The following IKZF1 variants were observed in gnomAD, a reference collection of about 807,000 sequenced individuals.
The protein encoded by IKZF1 is IKAROS family zinc finger 1.
In IKZF1, 10 loss-of-function variants were observed where a neutral mutation model predicts 51.7. The ratio of observed to expected loss-of-function variants is 0.19; its 90% CI spans 0.12 to 0.33. IKZF1 has a LOEUF of 0.33. Among genes scored for constraint, IKZF1 ranks in the 10% least tolerant of loss-of-function variants. The pLI, the probability that IKZF1 is intolerant of heterozygous loss-of-function variation, is 1.00. For missense variants in IKZF1, 484 were observed against 707.5 expected (o/e 0.68, Z 3.58); for synonymous variants, 280 against 282.3 (o/e 0.99, Z 0.08).
chr7:50,398,157 C>T lies in IKZF1; in HGVS notation c.851-1761C>T, dbSNP rs78228353. On this transcript the variant is annotated intron_variant, in intron 7 of 7. Transcript: ENST00000331340. ...AAGGTGTTGGGACCTTCCCTTGCCA[C>T]CACCCTCACCAGCCATCATCAGCCA... 2.0e-3 allele frequency among the ~76,000 whole-genome samples: 298 copies of T among 152,340 alleles called. 1 individual carries two copies. Among genetic ancestry groups the T allele is most frequent in the African/African-American group, 6.9e-3 (288 of 41,576 alleles).
At chr7:50,356,697 C>T (rs997416849) in intron 3 of IKZF1, among the ~76,000 whole-genome samples, 1 of 152,186 alleles carries the variant, frequency 6.6e-6, no homozygotes, top group Non-Finnish European at 1.5e-5. Context: ...GCTGGTATCT[C>T]GCGGCGGCTT....
chr7:50,362,136 T>A (rs1805441690), intron 3 of IKZF1, among the ~76,000 whole-genome samples: 1 of 152,242 alleles, frequency 6.6e-6, no homozygotes, highest in Non-Finnish European at 1.5e-5. Context: ...TTCTGTCAAG[T>A]TCTCCAAATC....
Position 50,376,815 on chromosome 7 carries a change from C to T in IKZF1, c.421+22C>T, listed in dbSNP as rs1382929889. 6.2e-7 allele frequency: 1 copy of T among 1,610,990 alleles called. No individual in the cohort carries two copies. Among genetic ancestry groups the T allele is most frequent in the African/African-American group, 1.3e-5 (1 of 74,900 alleles). ...ACTGGTAAGGCCTGGCTCAGTTTTT[C>T]CTTTAGTGGCCTGGAGAAGGTGCAT... is the stretch of plus-strand genomic sequence containing the variant. On this transcript the variant is annotated intron_variant, in intron 4 of 7. Transcript: ENST00000331340. The surrounding 1 kb of genome is among the most constrained non-coding windows in gnomAD (Gnocchi z 4.5).
chr7:50,382,546 G>A lies in IKZF1; in HGVS notation c.428G>A (p.Arg143Gln), dbSNP rs2153477325. The A allele has an allele frequency of 6.2e-7, 1 of 1,612,114 alleles. No homozygotes were observed. The highest frequency in any genetic ancestry group is 8.5e-7 in the Non-Finnish European group (1 of 1,178,626). The change falls in exon 5 of 8, where the codon CGG becomes CAG. Residue 143 changes from arginine (R) to glutamine (Q), a missense_variant. By Grantham distance (43) the Arg-to-Gln change is conservative. Transcript: ENST00000331340. The stretch of plus-strand genomic sequence containing the variant: ...TCTCCTCTCTCCGTCCCAGGAGAAC[G>A]GCCCTTCCAGTGCAATCAGTGCGGG... Reference protein sequence around the residue: ...MVHKRSHTGERPFQCNQCGAS... With the variant: ...MVHKRSHTGEQPFQCNQCGAS...
chr7:50,399,243 A>G (rs983976577), intron 7 of IKZF1, among the ~76,000 whole-genome samples: 2 of 152,312 alleles, frequency 1.3e-5, no homozygotes, highest in South Asian at 4.1e-4. Flanking sequence ...CCTGCCAACT[A>G]CAGAGAATTA....
intron 3 of IKZF1, among the ~76,000 whole-genome samples, chr7:50,335,848 G>T (rs1234813806): frequency 6.6e-6 from 1 of 151,948 alleles, no homozygotes; most frequent in Non-Finnish European, 1.5e-5. Context: ...GGCCATGTGG[G>T]TAGGTAGGCC....
At chr7:50,335,292 G>A (rs1260734576) in intron 3 of IKZF1, among the ~76,000 whole-genome samples, 2 of 148,776 alleles carry the variant, frequency 1.3e-5, no homozygotes, top group Non-Finnish European at 3.0e-5. Context: ...TATGTGTTGT[G>A]TATGTGTATG....
intron 3 of IKZF1, among the ~76,000 whole-genome samples, chr7:50,358,755 C>G (rs1006240283): frequency 4.0e-5 from 6 of 150,562 alleles, no homozygotes; most frequent in Non-Finnish European, 7.4e-5. Flanking sequence ...AATAGTGAGA[C>G]GACCATGGAG....
chr7:50,374,996 C>T (rs988639499), intron 3 of IKZF1, among the ~76,000 whole-genome samples: 1 of 136,456 alleles, frequency 7.3e-6, no homozygotes, highest in African/African-American at 2.8e-5. Context: ...GACTGCTGGG[C>T]CCACCGAGAG....
chr7:50,338,346 G>A (rs1188578572), intron 3 of IKZF1, among the ~76,000 whole-genome samples: 1 of 152,184 alleles, frequency 6.6e-6, no homozygotes, highest in Non-Finnish European at 1.5e-5. Context: ...TAAAAGTGCT[G>A]TCAGAGTAGA....
rs927967345 is a variant in IKZF1 at position 50,335,839 on chromosome 7, G to A, written c.160+8082G>A. 3.2e-3 allele frequency among the ~76,000 whole-genome samples: 484 copies of A among 152,064 alleles called. 3 individuals carry two copies. The highest frequency in any genetic ancestry group is 0.011 in the African/African-American group (450 of 41,418). On this transcript the variant is annotated intron_variant, in intron 3 of 7. Coordinates refer to ENST00000331340, the MANE Select transcript of IKZF1 (RefSeq NM_006060.6). ...GGGTGTTTGCTGTGCCTGGGAGCAG[G>A]CCATGTGGGTAGGTAGGCCTGGCTC...
chr7:50,349,439 A>T (rs1485823762), intron 3 of IKZF1, among the ~76,000 whole-genome samples: 1 of 152,250 alleles, frequency 6.6e-6, no homozygotes, highest in Non-Finnish European at 1.5e-5. Flanking sequence ...GACGTGTATT[A>T]TGTACCTATA....
At chr7:50,365,603 G>A (rs1806661331) in intron 3 of IKZF1, among the ~76,000 whole-genome samples, 1 of 152,176 alleles carries the variant, frequency 6.6e-6, no homozygotes, top group Admixed American at 6.5e-5. Flanking sequence ...ACACCAGTCA[G>A]AATGGTTATT....
intron 3 of IKZF1, chr7:50,369,481 A>G (rs1055155528): frequency 2.5e-6 from 1 of 398,584 alleles, no homozygotes; most frequent in South Asian, 1.3e-4. Flanking sequence ...AAATGTGTCC[A>G]TAAGGTATTG....
At chr7:50,362,425 C>T (rs1805536127) in intron 3 of IKZF1, among the ~76,000 whole-genome samples, 2 of 152,206 alleles carry the variant, frequency 1.3e-5, no homozygotes, top group South Asian at 4.1e-4. Flanking sequence ...TCTTTTTCAC[C>T]TTCAGTGGAC....
chr7:50,366,640 TTTG>T (rs1190078107), intron 3 of IKZF1, among the ~76,000 whole-genome samples: 4 of 152,230 alleles, frequency 2.6e-5, no homozygotes, highest in Non-Finnish European at 4.4e-5. Flanking sequence ...ATCTCAGTGC[TTTG>T]TTGTTTAGTC....
chr7:50,346,294 C>T (rs578166418), intron 3 of IKZF1, among the ~76,000 whole-genome samples: 24 of 152,282 alleles, frequency 1.6e-4, no homozygotes, highest in African/African-American at 5.3e-4. Context: ...GTGATCACCT[C>T]GCCTATTGAG....
chr7:50,335,248 GTA>G (rs1435540406), intron 3 of IKZF1, among the ~76,000 whole-genome samples: 2 of 150,370 alleles, frequency 1.3e-5, no homozygotes, highest in African/African-American at 4.9e-5. Flanking sequence ...TGTGTGGTGT[GTA>G]TATGTGTTGT....
rs112711179 is a variant in IKZF1, at chr7:50,352,630, A to G, written c.161-23903A>G. ...TGATTCTGTTGATCTTAAAGTTTAT[A>G]TATTTTAAGTTTAGTGTTTCAGAAT... On this transcript the variant is annotated intron_variant, in intron 3 of 7. Transcript: ENST00000331340. 2.3e-3 allele frequency among the ~76,000 whole-genome samples: 356 copies of G among 152,260 alleles called. 4 individuals carry two copies. Among genetic ancestry groups the G allele is most frequent in the African/African-American group, 8.2e-3 (339 of 41,536 alleles).
Sources: gnomAD v4.1 joint callset for allele counts (sites outside exome capture counted in the v4.1 genomes callset) on GRCh38, gnomAD v4.1.1 for gene constraint, Gnocchi (gnomAD v3.1) non-coding constraint, MANE v1.5 for transcripts, NCBI Gene and HGNC (gene_info 2026-07-23, HGNC 2026-07-21) for gene names.